CPT1A: variants seen among roughly 807,000 people sequenced by gnomAD.
CPT1A encodes carnitine palmitoyltransferase 1A, also known as carnitine O-palmitoyltransferase 1, liver isoform.
A neutral mutation model predicts 100.8 loss-of-function variants in CPT1A; 64 were observed. That is an observed-to-expected ratio of 0.63 (90% CI 0.52 to 0.78). CPT1A has a LOEUF of 0.78. CPT1A is among the 30% of genes least tolerant of loss of function. The pLI is 0.00. For missense variants in CPT1A, 802 were observed against 1,034.1 expected, an observed-to-expected ratio of 0.78 and a Z score of 3.08; for synonymous variants, 363 against 396.0, an observed-to-expected ratio of 0.92 and a Z score of 0.99.
chr11:68,768,208 TGGGA>T (rs1232525435), intron 14 of CPT1A, among the ~76,000 whole-genome samples: 1 of 150,464 alleles, frequency 6.6e-6, no homozygotes, highest in Non-Finnish European at 1.5e-5. Flanking sequence ...CCCGAGTAGC[TGGGA>T]GTACAGGCGC....
At chr11:68,815,877 C>T (rs1270455746) in intron 1 of CPT1A, among the ~76,000 whole-genome samples, 2 of 148,926 alleles carry the variant, frequency 1.3e-5, no homozygotes, top group East Asian at 4.0e-4. Context: ...CAACCCTGGC[C>T]CTGGACGTCC....
intron 7 of CPT1A, 132 bp downstream of exon 7, chr11:68,796,724 G>C (rs1448013374): frequency 7.0e-6 from 6 of 852,174 alleles, no homozygotes; most frequent in African/African-American, 3.3e-5. Flanking sequence ...CTGGAAGCAG[G>C]ACAGAGAGGA....
intron 10 of CPT1A, 37 bp downstream of exon 10, chr11:68,784,778 A>C (rs1855407704): frequency 6.9e-6 from 11 of 1,590,686 alleles, no homozygotes; most frequent in Non-Finnish European, 8.5e-6. Context: ...CGCCTCCACC[A>C]CCCCCCAAAA....
intron 6 of CPT1A, among the ~76,000 whole-genome samples, chr11:68,797,257 T>C (rs3019601): frequency 1.4e-3 from 217 of 152,260 alleles, no homozygotes; most frequent in African/African-American, 4.9e-3. Context: ...CTAGGCAACA[T>C]AGCAAGGCTC....
chr11:68,822,004 A>C (rs889648913), intron 1 of CPT1A, among the ~76,000 whole-genome samples: 7 of 152,098 alleles, frequency 4.6e-5, no homozygotes, highest in Admixed American at 3.9e-4. Context: ...GGATGTGGAG[A>C]AATCAGAATT....
chr11:68,829,540 G>A (rs760822294), intron 1 of CPT1A, among the ~76,000 whole-genome samples: 2 of 152,232 alleles, frequency 1.3e-5, no homozygotes, highest in Admixed American at 1.3e-4. Flanking sequence ...GCAGAAAAGA[G>A]GAGGAAGAAA....
intron 1 of CPT1A, among the ~76,000 whole-genome samples, chr11:68,831,637 C>T (rs1594378038): frequency 2.1e-5 from 3 of 142,898 alleles, no homozygotes; most frequent in African/African-American, 2.6e-5. Flanking sequence ...CAGCACATTC[C>T]TTTTTTTTTT....
rs1282305918 is a variant in CPT1A, at chr11:68,838,571, TTAAA to T, written c.-14+3200_-14+3203del. ...GACTCTACTCTGTATCTGCACCTTTTTAAAAAAAAAAAAAAAAAAACAGAGACAG... is the reference window on the plus strand; with the variant it reads ...GACTCTACTCTGTATCTGCACCTTTTAAAAAAAAAAAAAAAACAGAGACAG... On this transcript the variant is annotated intron_variant, in intron 1 of 18. Transcript: ENST00000265641. Among the ~76,000 whole-genome samples, 12 of 74,210 alleles carry T rather than the reference TTAAA, an allele frequency of 1.6e-4. 3 individuals are homozygous for T. Among genetic ancestry groups the T allele is most frequent in the Non-Finnish European group, 2.5e-4 (12 of 48,320 alleles). 48.7% of individuals were successfully genotyped at this position (74,210 alleles called of 152,430 possible).
intron 2 of CPT1A, 32 bp from the exon 3 acceptor site, chr11:68,812,608 T>A (rs1252775254): frequency 6.2e-7 from 1 of 1,612,926 alleles, no homozygotes; most frequent in Non-Finnish European, 8.5e-7. Context: ...GTGAGCGGTG[T>A]CCTCCCACAA....
At chr11:68,773,080 G>A (rs1426545549) in intron 14 of CPT1A, among the ~76,000 whole-genome samples, 185 bp downstream of exon 14, 1 of 152,106 alleles carries the variant, frequency 6.6e-6, no homozygotes, top group African/African-American at 2.4e-5. Flanking sequence ...GGGGATTTGC[G>A]AACTTTGCCC....
chr11:68,819,692 G>A lies in CPT1A; in HGVS notation c.-13-4205C>T, dbSNP rs558297795. 9.2e-5 allele frequency among the ~76,000 whole-genome samples: 14 copies of A among 152,336 alleles called. No individual in the cohort carries two copies. In the East Asian group the frequency reaches 2.5e-3, roughly 27 times the overall value. On this transcript the variant is annotated intron_variant, in intron 1 of 18. Transcript: ENST00000265641. The stretch of plus-strand genomic sequence containing the variant: ...ATAGTGTCCTTTCTAGGAGTGAAAC[G>A]CCCTCGCAGAGCGATCTGAGTTTAA...
intron 1 of CPT1A, among the ~76,000 whole-genome samples, chr11:68,818,851 C>T (rs1566380701): frequency 1.3e-5 from 1 of 76,582 alleles, no homozygotes; most frequent in Non-Finnish European, 3.1e-5. Context: ...GAGTGAGACC[C>T]TATCTCAACA....
At chr11:68,773,657 C>G (rs1206370039) in intron 13 of CPT1A, 3 of 585,144 alleles carry the variant, frequency 5.1e-6, no homozygotes, top group Non-Finnish European at 8.7e-6. Context: ...ATGAGCAGGC[C>G]AGGAGAGGGC....
At chr11:68,796,760 C>G in intron 7 of CPT1A, 96 bp downstream of exon 7, 1 of 1,233,764 alleles carries the variant, frequency 8.1e-7, no homozygotes, top group Admixed American at 2.0e-5. Flanking sequence ...CAGAGTTTTC[C>G]CAGGCCGTCC....
chr11:68,757,979 T>C (rs1052289128), intron 18 of CPT1A, among the ~76,000 whole-genome samples: 1 of 152,302 alleles, frequency 6.6e-6, no homozygotes, highest in East Asian at 1.9e-4. Flanking sequence ...AATGCGTTTA[T>C]CCCACGGAAA....
intron 6 of CPT1A, among the ~76,000 whole-genome samples, chr11:68,798,487 CT>C (rs1855815262): frequency 6.6e-6 from 1 of 152,176 alleles, no homozygotes; most frequent in South Asian, 2.1e-4. Flanking sequence ...GCTAGACTCC[CT>C]CCCTTGCTTT....
intron 1 of CPT1A, chr11:68,839,819 C>T (rs1156602912): frequency 3.6e-6 from 2 of 563,260 alleles, no homozygotes; most frequent in Non-Finnish European, 4.5e-6. Flanking sequence ...TCGGTGACCA[C>T]TGGTCCGGGG....
At chr11:68,829,259 C>T (rs1445792654) in intron 1 of CPT1A, among the ~76,000 whole-genome samples, 1 of 152,174 alleles carries the variant, frequency 6.6e-6, no homozygotes, top group Non-Finnish European at 1.5e-5. Flanking sequence ...CTCCAAGCCA[C>T]CCCCATACAG....
At chr11:68,842,017 GA>G, upstream of CPT1A, 1 of 965,670 alleles carries the variant, frequency 1.0e-6, no homozygotes, top group Non-Finnish European at 1.2e-6. Context: ...GCGGGGCTAG[GA>G]GGGGAGGGAA....
Sources: gnomAD v4.1 joint callset for allele counts (sites outside exome capture counted in the v4.1 genomes callset) on GRCh38, gnomAD v4.1.1 for gene constraint, MANE v1.5 for transcripts, NCBI Gene and HGNC (gene_info 2026-07-23, HGNC 2026-07-21) for gene names.